STRN3: variants seen among roughly 807,000 people sequenced by gnomAD.
STRN3 encodes striatin-3.
In STRN3, 29 loss-of-function variants were observed where a neutral mutation model predicts 95.6. The observed-to-expected ratio is 0.30, with a 90% CI of 0.23 to 0.41. The LOEUF (loss-of-function observed/expected upper bound fraction) is 0.41, where lower values mean the gene tolerates loss of function less well. Among genes scored for constraint, STRN3 ranks in the 10% least tolerant of loss-of-function variants. The pLI, the probability that STRN3 is intolerant of heterozygous loss-of-function variation, is 1.00. For missense variants in STRN3, 890 were observed against 972.1 expected, an observed-to-expected ratio of 0.92 and a Z score of 1.12; for synonymous variants, 331 against 357.6, an observed-to-expected ratio of 0.93 and a Z score of 0.84.
At chr14:31,004,664 T>C (rs528249716) in intron 1 of STRN3, among the ~76,000 whole-genome samples, 1 of 152,166 alleles carries the variant, frequency 6.6e-6, no homozygotes, top group Admixed American at 6.5e-5. Context: ...TCCCAGCTAC[T>C]TGGGAGGCTG....
rs896084404 is a variant in STRN3, at chr14:30,926,572, A to G, written c.1099+2629T>C. Among the ~76,000 whole-genome samples the G allele has an allele frequency of 9.2e-5, 14 of 151,674 alleles. 1 individual carries two copies. The highest frequency in any genetic ancestry group is 2.9e-4 in the African/African-American group (12 of 41,288). ...ATAATACTTCTTATAATTACTTCTT[A>G]TAAGTACTTCTTATAATACTTCTTA... is the stretch of plus-strand genomic sequence containing the variant. On this transcript the variant is annotated intron_variant, in intron 8 of 17. Transcript: ENST00000357479.
intron 9 of STRN3, among the ~76,000 whole-genome samples, chr14:30,914,509 C>T (rs1482076177): frequency 2.0e-5 from 3 of 152,106 alleles, no homozygotes; most frequent in Non-Finnish European, 2.9e-5. Context: ...CCCGCCACCA[C>T]GCCCGGCTAA....
chr14:30,948,853 A>T (rs61976775), intron 4 of STRN3, among the ~76,000 whole-genome samples: 22,068 of 152,188 alleles, frequency 0.15, 1,817 homozygotes, highest in South Asian at 0.33. Flanking sequence ...AGCTGTCCTC[A>T]CTTTTCTTCT....
rs1407320512 is a variant in STRN3, at chr14:30,905,516, G to A, written c.1931C>T (p.Pro644Leu). The A allele has an allele frequency of 6.2e-7, 1 of 1,607,198 alleles. No homozygotes were observed. The highest frequency in any genetic ancestry group is 1.7e-5 in the Admixed American group (1 of 58,982). Residue 644 changes from proline to leucine, a missense_variant, in exon 15 of 18, where the codon CCA becomes CTA. Pro to Leu is a moderately conservative substitution (Grantham distance 98). This residue lies in a region of STRN3 where 357 missense variants were observed against 422.8 expected (regional missense o/e 0.84). Coordinates refer to ENST00000357479, the MANE Select transcript of STRN3 (RefSeq NM_001083893.2). ...PTSVDFIGCD[P>L]AHMVTSFNTG... Reference sequence around the variant, plus strand: ...GTTGAAAGAGGTTACCATATGAGCTGGATCACAGCCTATAAAGTCAACTGA... The same window carrying A: ...GTTGAAAGAGGTTACCATATGAGCTAGATCACAGCCTATAAAGTCAACTGA...
intron 1 of STRN3, among the ~76,000 whole-genome samples, chr14:30,983,872 C>T (rs992440011): frequency 2.0e-5 from 3 of 152,070 alleles, no homozygotes; most frequent in East Asian, 3.9e-4. Flanking sequence ...ATCTAACTAA[C>T]CTTTAAAAAG....
At position 31,026,123 on chromosome 14, in the gene STRN3, C is replaced by A; in HGVS notation, c.63G>T (p.Gln21His). ...GGCCCAGGTTCCCCCCAGGTCCCTG[C>A]TGCTGCCGGGGAGGGGCCGCCATCC... ...GPGMAAPPRQ[Q>H]QGPGGNLGLS... Residue 21 changes from glutamine (Q) to histidine (H), a missense_variant, in exon 1 of 18, where the codon CAG (glutamine) becomes CAT (histidine). Around this residue, in one of 3 missense-constraint regions of STRN3, gnomAD observed 526 missense variants for 526.3 expected, o/e 1.00. Coordinates refer to ENST00000357479, the MANE Select transcript of STRN3 (RefSeq NM_001083893.2). 1 of 1,504,984 alleles carries A rather than the reference C, an allele frequency of 6.6e-7. No homozygotes were observed. The highest frequency in any genetic ancestry group is 8.8e-7 in the Non-Finnish European group (1 of 1,131,932). 93.2% of individuals were successfully genotyped at this position (1,504,984 alleles called of 1,614,324 possible).
At chr14:30,945,929 T>C (rs1193362109) in intron 5 of STRN3, among the ~76,000 whole-genome samples, 2 of 152,170 alleles carry the variant, frequency 1.3e-5, no homozygotes, top group Non-Finnish European at 2.9e-5. Flanking sequence ...ATTGCGGTGA[T>C]AGCTGAACAA....
intron 1 of STRN3, among the ~76,000 whole-genome samples, chr14:31,013,865 TATTATTATTATTA>T (rs1251363817): frequency 1.1e-5 from 1 of 91,504 alleles, no homozygotes. Context: ...AAAGCAATTT[TATTATTATTATTA>T]TTATTATTAT....
chr14:31,026,084 C>A lies in STRN3; in HGVS notation c.102G>T (p.Gly34=), dbSNP rs1440341218. The A allele has an allele frequency of 3.3e-6, 5 of 1,526,740 alleles. No individual in the cohort carries two copies. The highest frequency in any genetic ancestry group is 1.4e-5 in the African/African-American group (1 of 70,272). The allele number at this position is 1,526,740 out of a possible 1,614,324, so 94.6% of individuals were successfully genotyped here. Residue 34 remains glycine, a synonymous_variant, in exon 1 of 18, where the codon GGG becomes GGT. Transcript: ENST00000357479. ...GACCCCCGCCGCCCGCCGCTCCGTT[C>A]CCCCCGGGCGAAAGGCCCAGGTTCC... ...PGGNLGLSPG[G]NGAAGGGGPP...
At chr14:30,988,628 T>G (rs577057393) in intron 1 of STRN3, among the ~76,000 whole-genome samples, 1 of 152,290 alleles carries the variant, frequency 6.6e-6, no homozygotes, top group East Asian at 1.9e-4. Flanking sequence ...GAAGTCATGG[T>G]ACAATTATAA....
At chr14:30,915,199 G>A (rs1483757598) in intron 9 of STRN3, among the ~76,000 whole-genome samples, 1 of 151,960 alleles carries the variant, frequency 6.6e-6, no homozygotes, top group East Asian at 1.9e-4. Flanking sequence ...TATGCTACAG[G>A]AAACACAACA....
rs76260401 is a variant in STRN3, at chr14:30,998,164, A to C, written c.282+27740T>G. Among the ~76,000 whole-genome samples, 591 of 152,252 alleles carry C rather than the reference A, an allele frequency of 3.9e-3. 1 individual carries two copies. Among genetic ancestry groups the C allele is most frequent in the Middle Eastern group, 6.8e-3 (2 of 294 alleles). ...CATCCCTAAACAACTGTCATCTGAT[A>C]TATCTGGTGGTTCTGTGGAAGACTA... On this transcript the variant is annotated intron_variant, in intron 1 of 17. Transcript: ENST00000357479.
intron 7 of STRN3, among the ~76,000 whole-genome samples, chr14:30,932,708 T>TCG (rs1478680912): frequency 6.6e-6 from 1 of 152,128 alleles, no homozygotes; most frequent in East Asian, 1.9e-4. Context: ...GAAAGACCAA[T>TCG]CGGTTGTACA....
intron 1 of STRN3, among the ~76,000 whole-genome samples, chr14:31,002,344 C>T (rs998777260): frequency 1.1e-4 from 16 of 151,198 alleles, no homozygotes; most frequent in African/African-American, 3.4e-4. Flanking sequence ...TGATGGCACA[C>T]GCCTGTAATC....
intron 3 of STRN3, among the ~76,000 whole-genome samples, chr14:30,951,623 G>A (rs1474400203): frequency 2.6e-5 from 4 of 152,120 alleles, no homozygotes; most frequent in African/African-American, 7.2e-5. Context: ...AATCAACACT[G>A]TTAAGATATT....
chr14:30,910,668 G>C (rs1005448199), intron 13 of STRN3, among the ~76,000 whole-genome samples: 4 of 151,326 alleles, frequency 2.6e-5, no homozygotes, highest in East Asian at 3.9e-4. Context: ...AAGTTTTAAT[G>C]ATTTATACCC....
intron 13 of STRN3, among the ~76,000 whole-genome samples, chr14:30,909,298 A>T (rs1896549176): frequency 6.6e-6 from 1 of 152,172 alleles, no homozygotes; most frequent in Non-Finnish European, 1.5e-5. Flanking sequence ...TGAGCCCAGG[A>T]GTTTAAGACC....
intron 15 of STRN3, 116 bp downstream of exon 15, chr14:30,905,302 T>C: frequency 9.4e-7 from 1 of 1,061,748 alleles, no homozygotes; most frequent in South Asian, 2.2e-5. Context: ...ATTATGAAAC[T>C]AATTATTTTG....
chr14:30,999,212 A>AT (rs1366229443), intron 1 of STRN3, among the ~76,000 whole-genome samples: 1 of 151,348 alleles, frequency 6.6e-6, no homozygotes, highest in African/African-American at 2.4e-5. Flanking sequence ...TGCCCGGCTA[A>AT]TTTTTTTATT....
Sources: allele counts gnomAD v4.1 joint callset (sites outside exome capture counted in the v4.1 genomes callset), GRCh38; gene constraint gnomAD v4.1.1; regional missense constraint gnomAD v4.1.1; transcripts MANE v1.5; gene names NCBI Gene and HGNC (gene_info 2026-07-23, HGNC 2026-07-21).